The following ATXN7L1 variants were observed in gnomAD, a reference collection of about 807,000 sequenced individuals.
The protein encoded by ATXN7L1 is ataxin-7-like protein 1.
In ATXN7L1, 15 loss-of-function variants were observed where a neutral mutation model predicts 70.8. The observed-to-expected ratio is 0.21, with a 90% CI of 0.14 to 0.33. ATXN7L1 has a LOEUF of 0.33. Among genes scored for constraint, ATXN7L1 ranks in the 10% least tolerant of loss-of-function variants. The probability of loss-of-function intolerance (pLI) is 1.00; values close to 1 mark genes in which losing one functional copy is unlikely to be tolerated. For synonymous variants in ATXN7L1, 440 were observed against 445.1 expected (o/e 0.99, Z 0.14); for missense variants, 975 against 1,097.1 (o/e 0.89, Z 1.57).
chr7:105,763,507 A>C (rs1176184414), intron 3 of ATXN7L1, among the ~76,000 whole-genome samples: 1 of 152,246 alleles, frequency 6.6e-6, no homozygotes, highest in East Asian at 1.9e-4. Context: ...ACCTGGGGGC[A>C]TAATAACTTC....
intron 8 of ATXN7L1, among the ~76,000 whole-genome samples, chr7:105,622,055 G>A (rs1435402133): frequency 3.3e-5 from 5 of 152,236 alleles, no homozygotes; most frequent in Non-Finnish European, 7.3e-5. Flanking sequence ...TGTGGGAGCT[G>A]TTCCAGGTCT....
chr7:105,703,313 A>T (rs1212897549), intron 3 of ATXN7L1, among the ~76,000 whole-genome samples: 4 of 151,864 alleles, frequency 2.6e-5, no homozygotes, highest in Non-Finnish European at 5.9e-5. Context: ...CTCAAAAAAA[A>T]AAAAAAAGCA....
chr7:105,869,596 C>T (rs938976640), intron 2 of ATXN7L1, among the ~76,000 whole-genome samples: 1 of 152,198 alleles, frequency 6.6e-6, no homozygotes. Context: ...TATATTCCAG[C>T]CCAATTCCAC....
chr7:105,764,255 G>T (rs937439370), intron 3 of ATXN7L1, among the ~76,000 whole-genome samples: 1 of 150,208 alleles, frequency 6.7e-6, no homozygotes, highest in Non-Finnish European at 1.5e-5. Context: ...AGCAAAATCA[G>T]ACAGAGATAG....
rs1005671982 is a variant in ATXN7L1 at position 105,765,707 on chromosome 7, C to T, written c.355+22897G>A. On this transcript the variant is annotated intron_variant, in intron 3 of 11. Coordinates refer to ENST00000419735, the MANE Select transcript of ATXN7L1 (RefSeq NM_020725.2). ...TTATTTTGAAATTTTAAAGTTCATG[C>T]TAGATTTCTCCTTCAATACCATAGA... 2.6e-5 allele frequency among the ~76,000 whole-genome samples: 4 copies of T among 152,284 alleles called. No homozygotes were observed. The South Asian group carries it at 6.2e-4, about 24-fold the overall frequency.
chr7:105,762,300 A>G (rs1342865411), intron 3 of ATXN7L1, among the ~76,000 whole-genome samples: 2 of 152,038 alleles, frequency 1.3e-5, no homozygotes, highest in Non-Finnish European at 2.9e-5. Context: ...TTCTTTTCCT[A>G]CTGGGCACCT....
chr7:105,619,140 G>GATTTTTTTTTT (rs1794376106), intron 9 of ATXN7L1, among the ~76,000 whole-genome samples: 2 of 49,846 alleles, frequency 4.0e-5, no homozygotes, highest in Non-Finnish European at 6.6e-5. Flanking sequence ...GAAATCTTTA[G>GATTTTTTTTTT]TTTTTTTTTT....
intron 3 of ATXN7L1, among the ~76,000 whole-genome samples, chr7:105,736,276 A>T (rs1032247944): frequency 3.3e-5 from 5 of 152,232 alleles, no homozygotes; most frequent in African/African-American, 1.2e-4. Flanking sequence ...GTGTGCACAC[A>T]TTGCTATTTA....
At chr7:105,873,430 C>A (rs1262365875) in intron 2 of ATXN7L1, among the ~76,000 whole-genome samples, 1 of 152,142 alleles carries the variant, frequency 6.6e-6, no homozygotes, top group Non-Finnish European at 1.5e-5. Context: ...GTTGATCACT[C>A]CAAAAAGAGG....
intron 2 of ATXN7L1, among the ~76,000 whole-genome samples, chr7:105,822,329 G>C (rs945678084): frequency 6.6e-6 from 1 of 152,232 alleles, no homozygotes; most frequent in African/African-American, 2.4e-5. Flanking sequence ...GAGCTGTAGG[G>C]AGAAAGGTGC....
intron 3 of ATXN7L1, among the ~76,000 whole-genome samples, chr7:105,742,611 C>T (rs186232298): frequency 8.9e-4 from 136 of 152,290 alleles, no homozygotes; most frequent in Non-Finnish European, 1.6e-3. Context: ...CAATTTGGTT[C>T]CAGAGTCTGT....
rs34003989 is a variant in ATXN7L1 at position 105,710,401 on chromosome 7, CTT to C, written c.356-45115_356-45114del. ...ACAGTGAAGAGGGAGGTGCCATGCA[CTT>C]TTTTTTTTTTTTTTTTTTTTTTGAG... On this transcript the variant is annotated intron_variant, in intron 3 of 11. Transcript: ENST00000419735. Among the ~76,000 whole-genome samples the C allele has an allele frequency of 8.0e-3, 623 of 78,124 alleles. 2 individuals are homozygous for C. The highest frequency in any genetic ancestry group is 0.029 in the Admixed American group (173 of 6,068). The allele number at this position is 78,124 out of a possible 152,430, so 51.3% of individuals were successfully genotyped here. A position where few individuals can be genotyped will look rare whatever the true frequency, so the allele number is the denominator to read the frequency against.
chr7:105,829,160 G>A (rs555046778), intron 2 of ATXN7L1, among the ~76,000 whole-genome samples: 5 of 152,280 alleles, frequency 3.3e-5, no homozygotes, highest in South Asian at 2.1e-4. Flanking sequence ...TGTGGCTCAC[G>A]CCTGTAATCC....
At chr7:105,632,529 A>G (rs1349154938) in intron 7 of ATXN7L1, among the ~76,000 whole-genome samples, 1 of 152,228 alleles carries the variant, frequency 6.6e-6, no homozygotes, top group Non-Finnish European at 1.5e-5. Flanking sequence ...GGAGAAAATT[A>G]TCCAAGATGT....
intron 2 of ATXN7L1, among the ~76,000 whole-genome samples, chr7:105,792,496 G>T (rs1008012659): frequency 6.6e-6 from 1 of 152,190 alleles, no homozygotes; most frequent in Non-Finnish European, 1.5e-5. Context: ...AAGCAGGGAG[G>T]GAGGGCAGGG....
At chr7:105,762,042 G>A (rs761190742) in intron 3 of ATXN7L1, among the ~76,000 whole-genome samples, 1 of 152,196 alleles carries the variant, frequency 6.6e-6, no homozygotes, top group Non-Finnish European at 1.5e-5. Flanking sequence ...TCCATTTATG[G>A]AGCCAGGGTG....
intron 3 of ATXN7L1, among the ~76,000 whole-genome samples, chr7:105,735,460 G>A (rs531622085): frequency 2.1e-4 from 32 of 152,280 alleles, no homozygotes; most frequent in African/African-American, 6.7e-4. Flanking sequence ...GGGCTCTGGC[G>A]ATAGGCATAG....
At chr7:105,740,784 T>TTTTTTTTTTTTTTTTTTTTTTC (rs556048408) in intron 3 of ATXN7L1, among the ~76,000 whole-genome samples, 1 of 77,926 alleles carries the variant, frequency 1.3e-5, no homozygotes, top group Non-Finnish European at 2.3e-5. Context: ...TTTTTTTTTT[T>TTTTTTTTTTTTTTTTTTTTTTC]AATGGAGTCT....
intron 3 of ATXN7L1, among the ~76,000 whole-genome samples, chr7:105,767,138 TATA>T (rs1257745229): frequency 6.6e-6 from 1 of 152,044 alleles, no homozygotes; most frequent in Admixed American, 6.5e-5. Context: ...GCAGAGAAAG[TATA>T]ATATCAGTAA....
Sources: allele counts gnomAD v4.1 joint callset (sites outside exome capture counted in the v4.1 genomes callset), GRCh38; gene constraint gnomAD v4.1.1; transcripts MANE v1.5; gene names NCBI Gene and HGNC (gene_info 2026-07-23, HGNC 2026-07-21).